DGLUCY: variants seen among roughly 807,000 people sequenced by gnomAD.
DGLUCY encodes the protein D-glutamate cyclase.
Under a neutral mutation model 58.5 loss-of-function variants are expected in DGLUCY, and 58 were observed. The observed-to-expected ratio is 0.99, with a 90% CI of 0.80 to 1.23. The LOEUF (loss-of-function observed/expected upper bound fraction) is 1.23. DGLUCY is among the 50% of genes most tolerant of loss of function. The pLI is 0.00. For synonymous variants in DGLUCY, 325 were observed against 314.1 expected (o/e 1.03, Z -0.37); for missense variants, 779 against 784.7 (o/e 0.99, Z 0.09).
intron 3 of DGLUCY, among the ~76,000 whole-genome samples, chr14:91,164,430 A>G (rs1254455040): frequency 6.6e-6 from 1 of 152,036 alleles, no homozygotes; most frequent in Non-Finnish European, 1.5e-5. Context: ...CAAGGGTTAG[A>G]TATTTATTGT....
chr14:91,188,958 CCTCT>C lies in DGLUCY; in HGVS notation c.989_992del (p.Leu330ArgfsTer48), dbSNP rs746645112. Reference sequence around the variant, plus strand: ...CTCTGTAAAGATGAGCTGCTGAAGGCCTCTCTCTCGCTGTCCCATGCCCGCTCAG... The same window carrying C: ...CTCTGTAAAGATGAGCTGCTGAAGGCCTCTCGCTGTCCCATGCCCGCTCAG... On this transcript the variant is annotated frameshift_variant, in exon 9 of 14. Coordinates refer to ENST00000256324, the MANE Select transcript of DGLUCY (RefSeq NM_001102368.3). LOFTEE classifies it high-confidence loss of function. The C allele has an allele frequency of 6.2e-7, 1 of 1,614,046 alleles. No homozygotes were observed. The highest frequency in any genetic ancestry group is 1.3e-5 in the African/African-American group (1 of 74,922).
chr14:91,188,205 C>A (rs1438511008), intron 8 of DGLUCY, among the ~76,000 whole-genome samples: 2 of 152,106 alleles, frequency 1.3e-5, no homozygotes, highest in African/African-American at 2.4e-5. Flanking sequence ...ATCCTGTGAC[C>A]CCCAGGAGGT....
chr14:91,175,890 A>G (rs2295528), intron 6 of DGLUCY, 44 bp from the exon 7 acceptor site: 801,952 of 1,606,452 alleles, frequency 0.5, 208,336 homozygotes, highest in East Asian at 0.8. Flanking sequence ...TTCTAATTGG[A>G]TGCTCCCTGC....
Position 91,167,301 on chromosome 14 carries a change from T to A in DGLUCY, c.180T>A (p.Thr60=). The change falls in exon 4 of 14, where the codon ACT becomes ACA. Residue 60 remains threonine, a synonymous_variant. Transcript: ENST00000256324. ...PAFERFCQVN[T]GPLPLLGQSE... is the part of the protein sequence containing the mutation. ...TTGAAAGATTCTGCCAGGTCAACAC[T>A]GGTCCTCTACCCCTGCTGGGCCAGA... The A allele has an allele frequency of 6.2e-7, 1 of 1,613,930 alleles. No individual in the cohort carries two copies. Among genetic ancestry groups the A allele is most frequent in the Non-Finnish European group, 8.5e-7 (1 of 1,179,946 alleles).
intron 1 of DGLUCY, among the ~76,000 whole-genome samples, chr14:91,064,691 A>G (rs1040528139): frequency 2.6e-5 from 4 of 152,054 alleles, no homozygotes; most frequent in Non-Finnish European, 4.4e-5. Flanking sequence ...TAGAAAAGGA[A>G]AACCTGGAGA....
chr14:91,154,106 A>G (rs1248689552), intron 1 of DGLUCY, among the ~76,000 whole-genome samples: 1 of 152,166 alleles, frequency 6.6e-6, no homozygotes, highest in Non-Finnish European at 1.5e-5. Context: ...GGATTTTGCC[A>G]TGTTGGCCAG....
chr14:91,128,234 A>T (rs2045828391), intron 1 of DGLUCY, among the ~76,000 whole-genome samples: 2 of 148,294 alleles, frequency 1.3e-5, no homozygotes, highest in African/African-American at 5.0e-5. Context: ...GCACTTTGGG[A>T]GGCTGAGGCA....
At position 91,189,286 on chromosome 14, in the gene DGLUCY, T is replaced by C. The variant is rs1418779272; in HGVS notation, c.1195+116T>C. 2.2e-6 allele frequency: 3 copies of C among 1,337,738 alleles called. No individual in the cohort carries two copies. The African/African-American group carries it at 4.4e-5, about 20-fold the overall frequency. The allele number at this position is 1,337,738 out of a possible 1,614,324, so 82.9% of individuals were successfully genotyped here. Reference sequence around the variant, plus strand: ...TCCTTCCAGCTCAGAACAACTCCGTTGTAAGCTGCATAGCTTGATTTCATA... The same window carrying C: ...TCCTTCCAGCTCAGAACAACTCCGTCGTAAGCTGCATAGCTTGATTTCATA... On this transcript the variant is annotated intron_variant, in intron 9 of 13. Coordinates refer to ENST00000256324, the MANE Select transcript of DGLUCY (RefSeq NM_001102368.3).
chr14:91,207,429 G>A (rs1048303319), intron 12 of DGLUCY, among the ~76,000 whole-genome samples: 2 of 152,142 alleles, frequency 1.3e-5, no homozygotes, highest in Non-Finnish European at 2.9e-5. Flanking sequence ...AATACTAGAA[G>A]GAGAAGAAAG....
chr14:91,102,114 A>C (rs546732309), intron 1 of DGLUCY, among the ~76,000 whole-genome samples: 1 of 152,312 alleles, frequency 6.6e-6, no homozygotes, highest in African/African-American at 2.4e-5. Flanking sequence ...GAATGTATCA[A>C]ATTATCACAT....
Position 91,189,175 on chromosome 14 carries a change from G to A in DGLUCY, c.1195+5G>A, listed in dbSNP as rs2049710477. 16 of 1,613,840 alleles carry A rather than the reference G, an allele frequency of 9.9e-6. No individual in the cohort carries two copies. Among genetic ancestry groups the A allele is most frequent in the Non-Finnish European group, 1.4e-5 (16 of 1,179,820 alleles). The stretch of plus-strand genomic sequence containing the variant: ...TTGAAGATGCTGTTGAGCAAGGTAA[G>A]CAGTGAGATGGGCTTGGTCCATTTC... On this transcript the variant is annotated splice_donor_5th_base_variant and intron_variant, in intron 9 of 13. Coordinates refer to ENST00000256324, the MANE Select transcript of DGLUCY (RefSeq NM_001102368.3).
chr14:91,171,285 C>T (rs570685507), intron 5 of DGLUCY, among the ~76,000 whole-genome samples: 11 of 152,336 alleles, frequency 7.2e-5, no homozygotes, highest in African/African-American at 2.6e-4. Flanking sequence ...AGAGATGTGA[C>T]AATTAAATGA....
chr14:91,118,080 C>A (rs1307780844), intron 1 of DGLUCY, among the ~76,000 whole-genome samples: 5 of 93,500 alleles, frequency 5.3e-5, no homozygotes, highest in African/African-American at 1.8e-4. Flanking sequence ...TCCCCGCCCC[C>A]CCCCCCCCTT....
chr14:91,209,383 C>T (rs1002926200), intron 12 of DGLUCY, among the ~76,000 whole-genome samples: 4 of 151,898 alleles, frequency 2.6e-5, no homozygotes, highest in Admixed American at 2.6e-4. Context: ...TCAATAATCA[C>T]CATAAATGTC....
rs553892370 is a variant in DGLUCY, at chr14:91,178,012, A to G, written c.730+1956A>G. Among the ~76,000 whole-genome samples the G allele has an allele frequency of 2.3e-4, 35 of 152,318 alleles. No individual in the cohort carries two copies. In the East Asian group the frequency reaches 2.7e-3, roughly 12 times the overall value. ...CCAGTGGCCTCACCGCTTTCCCACC[A>G]TCGGTCGTGGCAGGTGCCCTGCAGA... On this transcript the variant is annotated intron_variant, in intron 7 of 13. Transcript: ENST00000256324.
rs776559300 is a variant in DGLUCY, at chr14:91,129,169, T to G, written c.-82+14886T>G. Among the ~76,000 whole-genome samples, 6 of 152,306 alleles carry G rather than the reference T, an allele frequency of 3.9e-5. No homozygotes were observed. In the South Asian group the frequency reaches 1.2e-3, roughly 32 times the overall value. On this transcript the variant is annotated intron_variant, in intron 1 of 13. Transcript: ENST00000256324. ...TTTTCTTTTAAATTTTTAAAAATTGTGAAATCTATATACATATAAGCCATA... is the reference window on the plus strand; with the variant it reads ...TTTTCTTTTAAATTTTTAAAAATTGGGAAATCTATATACATATAAGCCATA...
At chr14:91,148,232 T>A in intron 1 of DGLUCY, among the ~76,000 whole-genome samples, 1 of 151,248 alleles carries the variant, frequency 6.6e-6, no homozygotes. Context: ...TGAGACAGGA[T>A]CTCTCTCCAT....
chr14:91,203,131 G>T (rs1208306511), intron 11 of DGLUCY, among the ~76,000 whole-genome samples: 1 of 152,216 alleles, frequency 6.6e-6, no homozygotes, highest in Non-Finnish European at 1.5e-5. Flanking sequence ...CAGGATGGAT[G>T]TGAAGCCCAA....
At chr14:91,171,083 G>C (rs950195055) in intron 5 of DGLUCY, among the ~76,000 whole-genome samples, 2 of 152,128 alleles carry the variant, frequency 1.3e-5, no homozygotes, top group Non-Finnish European at 2.9e-5. Context: ...AGGCACCCAT[G>C]GCAGTCTCTG....
Sources: allele counts gnomAD v4.1 joint callset (sites outside exome capture counted in the v4.1 genomes callset), GRCh38; gene constraint gnomAD v4.1.1; transcripts MANE v1.5; gene names NCBI Gene and HGNC (gene_info 2026-07-23, HGNC 2026-07-21).